The following MAN2A1 variants were observed in gnomAD, a reference collection of about 807,000 sequenced individuals.
MAN2A1 encodes the protein alpha-mannosidase 2.
MAN2A1 carries 76 observed loss-of-function variants against 142.6 expected under a neutral mutation model. The observed-to-expected ratio is 0.53, with a 90% CI of 0.44 to 0.65. The LOEUF is 0.65. MAN2A1 is among the 30% of genes least tolerant of loss of function. The pLI is 0.00. For missense variants in MAN2A1, 1,311 were observed against 1,365.1 expected, an observed-to-expected ratio of 0.96 and a Z score of 0.62; for synonymous variants, 559 against 473.2, an observed-to-expected ratio of 1.18 and a Z score of -2.35.
chr5:109,755,659 A>G (rs1220889084), intron 5 of MAN2A1, among the ~76,000 whole-genome samples: 5 of 152,074 alleles, frequency 3.3e-5, no homozygotes, highest in Non-Finnish European at 5.9e-5. Flanking sequence ...AGGATCATCT[A>G]CCTTGTTTAA....
In MAN2A1 at chr5:109,803,855, T is replaced by C. The variant is rs562607470; in HGVS notation, c.1944-13418T>C. Among the ~76,000 whole-genome samples the C allele has an allele frequency of 6.6e-5, 10 of 152,200 alleles. No homozygotes were observed. The South Asian group carries it at 1.9e-3, about 28-fold the overall frequency. On this transcript the variant is annotated intron_variant, in intron 12 of 21. Transcript: ENST00000261483. Reference sequence around the variant, plus strand: ...AGTTGTATAAAGTACTGTGAAAATGTTAAAGTAAACTAAATATCTGGAGTA... The same window carrying C: ...AGTTGTATAAAGTACTGTGAAAATGCTAAAGTAAACTAAATATCTGGAGTA...
At chr5:109,831,750 TG>T (rs1754911979) in intron 16 of MAN2A1, among the ~76,000 whole-genome samples, 1 of 152,130 alleles carries the variant, frequency 6.6e-6, no homozygotes, top group African/African-American at 2.4e-5. Flanking sequence ...AGTATTTTTG[TG>T]GTTCAGAGCC....
intron 3 of MAN2A1, among the ~76,000 whole-genome samples, chr5:109,728,158 A>G (rs1406629893): frequency 6.6e-6 from 1 of 152,210 alleles, no homozygotes; most frequent in Non-Finnish European, 1.5e-5. Context: ...AAGCAAGAGG[A>G]ATAAATAAGT....
chr5:109,712,756 T>A (rs574363524), intron 1 of MAN2A1, among the ~76,000 whole-genome samples: 1 of 152,246 alleles, frequency 6.6e-6, no homozygotes, highest in East Asian at 1.9e-4. Context: ...TATTGTTGAG[T>A]TTCAGAAATA....
chr5:109,709,585 C>T (rs770259725), intron 1 of MAN2A1, among the ~76,000 whole-genome samples: 6 of 152,124 alleles, frequency 3.9e-5, no homozygotes, highest in Non-Finnish European at 8.8e-5. Context: ...AATAAATTTA[C>T]GGATTTAGCT....
intron 8 of MAN2A1, among the ~76,000 whole-genome samples, chr5:109,777,411 AT>A (rs1753323976): frequency 6.6e-6 from 1 of 151,742 alleles, no homozygotes; most frequent in Non-Finnish European, 1.5e-5. Context: ...TTTTAATTAA[AT>A]TGGGGTTGTC....
At chr5:109,756,869 C>A (rs1752702922) in intron 5 of MAN2A1, among the ~76,000 whole-genome samples, 1 of 152,140 alleles carries the variant, frequency 6.6e-6, no homozygotes, top group African/African-American at 2.4e-5. Flanking sequence ...AATTGCTTTC[C>A]TTCTGGGAGT....
At chr5:109,810,944 G>C (rs1754298989) in intron 12 of MAN2A1, among the ~76,000 whole-genome samples, 1 of 150,670 alleles carries the variant, frequency 6.6e-6, no homozygotes, top group Non-Finnish European at 1.5e-5. Flanking sequence ...TTTCAAAAGA[G>C]TGTTTATATT....
At chr5:109,726,093 C>A (rs1178428853) in intron 3 of MAN2A1, among the ~76,000 whole-genome samples, 1 of 151,598 alleles carries the variant, frequency 6.6e-6, no homozygotes, top group Admixed American at 6.6e-5. Context: ...CTGTTCTAGC[C>A]CTCGTTCAAT....
At chr5:109,759,192 A>T (rs1752771314) in intron 5 of MAN2A1, among the ~76,000 whole-genome samples, 2 of 152,154 alleles carry the variant, frequency 1.3e-5, no homozygotes, top group Non-Finnish European at 2.9e-5. Context: ...CTGATATAGC[A>T]ACATGGGATG....
In MAN2A1 at chr5:109,866,905, A is replaced by G. The variant is rs1012698162; in HGVS notation, c.3342A>G (p.Leu1114=). The change falls in exon 22 of 22, where the codon CTA becomes CTG. Residue 1114 remains leucine (L), a synonymous_variant. Coordinates refer to ENST00000261483, the MANE Select transcript of MAN2A1 (RefSeq NM_002372.4). ...TCGAAAGTCTCACACCTTCATCACT[A>G]TCCTTGATGCATTCACCTCCCGGCA... The part of the protein sequence containing the change: ...FIVESLTPSS[L]SLMHSPPGTQ... The G allele has an allele frequency of 6.2e-7, 1 of 1,612,016 alleles. No homozygotes were observed. Among genetic ancestry groups the G allele is most frequent in the Non-Finnish European group, 8.5e-7 (1 of 1,178,360 alleles).
At chr5:109,742,379 T>A (rs1752293142) in intron 4 of MAN2A1, among the ~76,000 whole-genome samples, 1 of 152,200 alleles carries the variant, frequency 6.6e-6, no homozygotes, top group Non-Finnish European at 1.5e-5. Context: ...TTCACCAAAT[T>A]GGTGGGTTTC....
chr5:109,697,018 C>T (rs550274816), intron 1 of MAN2A1, among the ~76,000 whole-genome samples: 11 of 152,204 alleles, frequency 7.2e-5, no homozygotes, highest in East Asian at 1.9e-4. Flanking sequence ...TCCAATTGGA[C>T]GTGTGTATTC....
intron 18 of MAN2A1, among the ~76,000 whole-genome samples, chr5:109,847,006 A>AT (rs1245495072): frequency 9.9e-5 from 15 of 151,398 alleles, no homozygotes; most frequent in South Asian, 8.4e-4. Flanking sequence ...GCTAAATTCA[A>AT]TTTTTTTTTG....
At chr5:109,693,033 G>A (rs1750716528) in intron 1 of MAN2A1, among the ~76,000 whole-genome samples, 1 of 152,152 alleles carries the variant, frequency 6.6e-6, no homozygotes, top group Admixed American at 6.5e-5. Context: ...TGTGTGGCCT[G>A]GTTCCTAACA....
At position 109,867,174 on chromosome 5, in the gene MAN2A1, AAAAAG is replaced by A; in HGVS notation, c.*177_*181del. The A allele has an allele frequency of 2.4e-6, 1 of 413,328 alleles. No individual in the cohort carries two copies. The highest frequency in any genetic ancestry group is 2.1e-5 in the African/African-American group (1 of 48,458). The allele number at this position is 413,328 out of a possible 1,614,324, so 25.6% of individuals were successfully genotyped here. A position where few individuals can be genotyped will look rare whatever the true frequency, so the allele number is the denominator to read the frequency against. On this transcript the variant is annotated 3_prime_UTR_variant, in exon 22 of 22. Coordinates refer to ENST00000261483, the MANE Select transcript of MAN2A1 (RefSeq NM_002372.4). ...TACAGTAAGAAAAAAAAAAAAAAAA[AAAAAG>A]CCATGCTATCAATCAAGATTCTTTT...
intron 7 of MAN2A1, among the ~76,000 whole-genome samples, chr5:109,773,807 G>A (rs764566347): frequency 3.3e-5 from 5 of 152,012 alleles, no homozygotes; most frequent in South Asian, 2.1e-4. Context: ...AGATACTTTC[G>A]TAAGTTTTTA....
At chr5:109,727,044 T>C (rs1751764597) in intron 3 of MAN2A1, among the ~76,000 whole-genome samples, 1 of 152,210 alleles carries the variant, frequency 6.6e-6, no homozygotes, top group East Asian at 1.9e-4. Context: ...TTGCAATATG[T>C]AGGTAGATAT....
chr5:109,696,542 T>C (rs2112538252), intron 1 of MAN2A1, among the ~76,000 whole-genome samples: 1 of 152,356 alleles, frequency 6.6e-6, no homozygotes, highest in East Asian at 1.9e-4. Context: ...GCTGTTGACA[T>C]TTTGGGCCAG....
Sources: allele counts gnomAD v4.1 joint callset (sites outside exome capture counted in the v4.1 genomes callset), GRCh38; gene constraint gnomAD v4.1.1; transcripts MANE v1.5; gene names NCBI Gene and HGNC (gene_info 2026-07-23, HGNC 2026-07-21).